The following STARD13 variants were observed in gnomAD, a reference collection of about 807,000 sequenced individuals.
STARD13 encodes StAR related lipid transfer domain containing 13.
STARD13 carries 62 observed loss-of-function variants against 106.4 expected under a neutral mutation model. The observed-to-expected ratio is 0.58, with a 90% CI of 0.48 to 0.72. STARD13 has a LOEUF of 0.72. Among genes scored for constraint, STARD13 ranks in the 30% least tolerant of loss-of-function variants. The pLI, the probability that STARD13 is intolerant of heterozygous loss-of-function variation, is 0.00. For missense variants in STARD13, 1,387 were observed against 1,424.0 expected, an observed-to-expected ratio of 0.97 and a Z score of 0.42; for synonymous variants, 565 against 553.0, an observed-to-expected ratio of 1.02 and a Z score of -0.31.
intron 1 of STARD13, among the ~76,000 whole-genome samples, chr13:33,303,000 T>G (rs761072550): frequency 5.7e-4 from 86 of 152,200 alleles, no homozygotes; most frequent in Admixed American, 1.0e-3. Context: ...TAAAAACCTT[T>G]GAAATCATTC....
intron 4 of STARD13, among the ~76,000 whole-genome samples, chr13:33,134,282 T>TA (rs1878753880): frequency 6.6e-6 from 1 of 152,154 alleles, no homozygotes; most frequent in Non-Finnish European, 1.5e-5. Context: ...TGATGAGCTT[T>TA]AAAAAATGGC....
intron 1 of STARD13, among the ~76,000 whole-genome samples, chr13:33,263,054 G>T (rs974094060): frequency 1.3e-5 from 2 of 152,156 alleles, no homozygotes; most frequent in African/African-American, 4.8e-5. Context: ...AGAATCTTAA[G>T]CAAGTCACTC....
chr13:33,165,327 C>T lies in STARD13; in HGVS notation c.323+10G>A, dbSNP rs537075853. ...AGTGGAAAGAAACAAAAATACTTCA[C>T]ATGGTTTACCTGCAAAGAGGTTCTA... On this transcript the variant is annotated intron_variant, in intron 3 of 13. Transcript: ENST00000336934. 8.1e-6 allele frequency: 13 copies of T among 1,603,524 alleles called. No homozygotes were observed. The South Asian group carries it at 9.9e-5, about 12-fold the overall frequency.
chr13:33,151,492 AC>A (rs1205713682), intron 3 of STARD13, among the ~76,000 whole-genome samples: 5 of 152,220 alleles, frequency 3.3e-5, no homozygotes, highest in Non-Finnish European at 7.3e-5. Context: ...GGAAGATGAC[AC>A]TAAACCTTTC....
chr13:33,169,098 C>T (rs914544556), intron 1 of STARD13, among the ~76,000 whole-genome samples: 1 of 152,146 alleles, frequency 6.6e-6, no homozygotes, highest in African/African-American at 2.4e-5. Context: ...ATGTTCCTAC[C>T]ATGTACCCAT....
At chr13:33,297,605 TAA>T (rs59944626) in intron 1 of STARD13, among the ~76,000 whole-genome samples, 1 of 145,122 alleles carries the variant, frequency 6.9e-6, no homozygotes, top group Non-Finnish European at 1.5e-5. Flanking sequence ...TTTTGAAAAT[TAA>T]AAAAAAAAAA....
the STARD13 span, among the ~76,000 whole-genome samples, chr13:33,644,466 C>T: frequency 2.0e-5 from 3 of 151,980 alleles, no homozygotes; most frequent in African/African-American, 4.8e-5. Flanking sequence ...CTTTGCACAG[C>T]GCACACACAG....
the STARD13 span, among the ~76,000 whole-genome samples, chr13:33,618,961 G>C: frequency 6.6e-6 from 1 of 152,030 alleles, no homozygotes; most frequent in South Asian, 2.1e-4. Context: ...TCATGGCCAA[G>C]GGATATACCG....
At chr13:33,596,023 A>G in the STARD13 span, among the ~76,000 whole-genome samples, 1 of 152,206 alleles carries the variant, frequency 6.6e-6, no homozygotes, top group Non-Finnish European at 1.5e-5. Flanking sequence ...TCTTCCAGAT[A>G]TGAACCAACT....
downstream of STARD13, among the ~76,000 whole-genome samples, chr13:33,343,972 A>T (rs1313305746): frequency 6.6e-6 from 1 of 152,102 alleles, no homozygotes. Context: ...TGATAGGACA[A>T]GTTCCTTCTG....
the STARD13 span, among the ~76,000 whole-genome samples, chr13:33,361,336 A>G: frequency 1.8e-4 from 2 of 11,028 alleles, no homozygotes; most frequent in African/African-American, 1.9e-4. Flanking sequence ...AATATAATAT[A>G]TAATACATGT....
the STARD13 span, among the ~76,000 whole-genome samples, chr13:33,623,428 T>TA: frequency 0.022 from 1,331 of 59,246 alleles, 18 homozygotes; most frequent in Non-Finnish European, 0.045. Flanking sequence ...CTCAATAAAG[T>TA]AAAAAAAAAA....
chr13:33,263,128 C>T (rs1010851249), intron 1 of STARD13, among the ~76,000 whole-genome samples: 8 of 152,152 alleles, frequency 5.3e-5, no homozygotes, highest in African/African-American at 9.7e-5. Flanking sequence ...TGTAAAGTAG[C>T]GTTTCTCAAC....
the STARD13 span, among the ~76,000 whole-genome samples, chr13:33,538,664 C>A: frequency 6.7e-6 from 1 of 149,748 alleles, no homozygotes. Flanking sequence ...ACAAAGACAA[C>A]ATTTCATAAA....
In STARD13 at chr13:33,117,257, C is replaced by T. The variant is rs536600219; in HGVS notation, c.2281+808G>A. Among the ~76,000 whole-genome samples, 583 of 152,148 alleles carry T rather than the reference C, an allele frequency of 3.8e-3. 6 individuals carry two copies. The highest frequency in any genetic ancestry group is 0.013 in the African/African-American group (546 of 41,496). Reference sequence around the variant, plus strand: ...CTGAGTAGCTGGGATTTCAGGCACCCGCCACCATGCCTGGCTAATTTTTGT... The same window carrying T: ...CTGAGTAGCTGGGATTTCAGGCACCTGCCACCATGCCTGGCTAATTTTTGT... On this transcript the variant is annotated intron_variant, in intron 8 of 13. Coordinates refer to ENST00000336934, the MANE Select transcript of STARD13 (RefSeq NM_178006.4).
chr13:33,161,058 T>C (rs1040846277), intron 3 of STARD13, among the ~76,000 whole-genome samples: 2 of 152,186 alleles, frequency 1.3e-5, no homozygotes, highest in Non-Finnish European at 2.9e-5. Context: ...AGGACATCCA[T>C]ACAATGCAAG....
the STARD13 span, among the ~76,000 whole-genome samples, chr13:33,584,867 G>A: frequency 1.3e-5 from 2 of 151,970 alleles, no homozygotes; most frequent in South Asian, 2.1e-4. Flanking sequence ...AAAAGTGTGT[G>A]GTACCCTCTC....
chr13:33,241,126 G>C (rs1159698402), intron 1 of STARD13, among the ~76,000 whole-genome samples: 2 of 152,264 alleles, frequency 1.3e-5, no homozygotes, highest in Admixed American at 1.3e-4. Context: ...AATTTGTTGT[G>C]AGGATTCCAT....
chr13:33,201,932 G>T (rs541988820), intron 1 of STARD13, among the ~76,000 whole-genome samples: 2 of 151,936 alleles, frequency 1.3e-5, no homozygotes, highest in South Asian at 2.1e-4. Context: ...GATTATAAAA[G>T]TAATACTGGT....
Sources: allele counts gnomAD v4.1 joint callset (sites outside exome capture counted in the v4.1 genomes callset), GRCh38; gene constraint gnomAD v4.1.1; transcripts MANE v1.5; gene names NCBI Gene and HGNC (gene_info 2026-07-23, HGNC 2026-07-21).